Variants in TMEM132D observed in about 807,000 individuals in gnomAD.
TMEM132D encodes the protein transmembrane protein 132D, also known as mature OL transmembrane protein.
TMEM132D carries 21 observed loss-of-function variants against 62.3 expected under a neutral mutation model. That is an observed-to-expected ratio of 0.34 (90% CI 0.24 to 0.49). The LOEUF (loss-of-function observed/expected upper bound fraction) is 0.49. Ranked by LOEUF, TMEM132D falls within the 20% of genes least tolerant of loss-of-function variation. TMEM132D has a pLI of 0.99. For missense variants in TMEM132D, 1,346 were observed against 1,402.8 expected (o/e 0.96, Z 0.65); for synonymous variants, 621 against 575.6 (o/e 1.08, Z -1.13).
At chr12:129,215,551 CCTTT>C (rs2135570477) in intron 4 of TMEM132D, among the ~76,000 whole-genome samples, 1 of 152,278 alleles carries the variant, frequency 6.6e-6, no homozygotes, top group East Asian at 1.9e-4. Context: ...AGATGTCTTT[CCTTT>C]CTTCCTGCCC....
chr12:129,623,172 G>C (rs1157708832), intron 2 of TMEM132D, among the ~76,000 whole-genome samples: 1 of 152,154 alleles, frequency 6.6e-6, no homozygotes, highest in Non-Finnish European at 1.5e-5. Flanking sequence ...TCGGATTTGA[G>C]TTTTCTCTCA....
intron 1 of TMEM132D, among the ~76,000 whole-genome samples, chr12:129,899,254 C>CGGATGGAT (rs779555845): frequency 1.1e-4 from 14 of 131,616 alleles, no homozygotes; most frequent in African/African-American, 6.1e-5. Flanking sequence ...GATGGATGCA[C>CGGATGGAT]GGATGGATGG....
chr12:129,504,071 T>C (rs538934368), intron 3 of TMEM132D, among the ~76,000 whole-genome samples: 1 of 151,914 alleles, frequency 6.6e-6, no homozygotes, highest in East Asian at 1.9e-4. Flanking sequence ...ATCATCACCA[T>C]CCCCCTCATC....
chr12:129,147,040 T>C (rs1337634691), intron 5 of TMEM132D, among the ~76,000 whole-genome samples: 2 of 152,066 alleles, frequency 1.3e-5, no homozygotes, highest in South Asian at 2.1e-4. Context: ...ATTTCAAACC[T>C]ACTGAAGAGT....
intron 1 of TMEM132D, among the ~76,000 whole-genome samples, chr12:129,762,380 CA>C (rs1042934003): frequency 8.5e-5 from 13 of 152,054 alleles, no homozygotes; most frequent in African/African-American, 2.4e-4. Flanking sequence ...GATACTTTTC[CA>C]AAAAGATTTG....
chr12:129,546,022 G>A (rs866190492), intron 2 of TMEM132D, among the ~76,000 whole-genome samples: 13 of 152,142 alleles, frequency 8.5e-5, no homozygotes, highest in Admixed American at 4.6e-4. Flanking sequence ...CTGAGCTAGC[G>A]TGGGGTTCGA....
At chr12:129,452,835 T>A (rs1194084797) in intron 3 of TMEM132D, among the ~76,000 whole-genome samples, 1 of 152,186 alleles carries the variant, frequency 6.6e-6, no homozygotes, top group Non-Finnish European at 1.5e-5. Context: ...AAATCAGGTA[T>A]AACATATAGT....
At chr12:129,466,480 TG>T (rs1873910626) in intron 3 of TMEM132D, among the ~76,000 whole-genome samples, 1 of 152,050 alleles carries the variant, frequency 6.6e-6, no homozygotes, top group Admixed American at 6.5e-5. Flanking sequence ...CTACTGTGCC[TG>T]GCAACTTTTC....
At chr12:129,103,568 T>C (rs941506824) in intron 5 of TMEM132D, among the ~76,000 whole-genome samples, 1 of 152,214 alleles carries the variant, frequency 6.6e-6, no homozygotes, top group Admixed American at 6.5e-5. Flanking sequence ...GGCTGCTTTA[T>C]GCATCAGGTT....
At chr12:129,607,733 C>T (rs1339103649) in intron 2 of TMEM132D, among the ~76,000 whole-genome samples, 2 of 152,096 alleles carry the variant, frequency 1.3e-5, no homozygotes, top group Non-Finnish European at 2.9e-5. Flanking sequence ...AGACCAATTC[C>T]AAAATGAAGA....
intron 1 of TMEM132D, among the ~76,000 whole-genome samples, chr12:129,800,986 C>A (rs11060561): frequency 0.57 from 87,115 of 151,964 alleles, 27,123 homozygotes; most frequent in Non-Finnish European, 0.72. Flanking sequence ...TCACTCCCAC[C>A]CGAATACTGC....
intron 3 of TMEM132D, among the ~76,000 whole-genome samples, chr12:129,376,149 C>T (rs1358924120): frequency 6.6e-6 from 1 of 152,138 alleles, no homozygotes; most frequent in Non-Finnish European, 1.5e-5. Context: ...GGAAATACAA[C>T]AATCCCATTT....
At chr12:129,172,549 C>T (rs532350705) in intron 5 of TMEM132D, among the ~76,000 whole-genome samples, 1 of 152,312 alleles carries the variant, frequency 6.6e-6, no homozygotes, top group South Asian at 2.1e-4. Context: ...TTCATTTGAA[C>T]ACTTAGAGGC....
At chr12:129,787,912 A>G (rs542478320) in intron 1 of TMEM132D, among the ~76,000 whole-genome samples, 32 of 152,328 alleles carry the variant, frequency 2.1e-4, no homozygotes, top group South Asian at 1.5e-3. Flanking sequence ...TTGAAGGCCC[A>G]GCCAAAAAAC....
At chr12:129,852,715 G>C (rs1873586678) in intron 1 of TMEM132D, 1 of 152,130 alleles carries the variant, frequency 6.6e-6, no homozygotes, top group South Asian at 2.1e-4. Context: ...TTGGAAGCAG[G>C]ACATCGAGGG....
At chr12:129,318,348 A>T (rs1868559708) in intron 4 of TMEM132D, among the ~76,000 whole-genome samples, 1 of 152,084 alleles carries the variant, frequency 6.6e-6, no homozygotes, top group East Asian at 1.9e-4. Context: ...CCTTGATGTA[A>T]TACTCTTCCC....
chr12:129,687,522 C>A lies in TMEM132D; in HGVS notation c.968+12288G>T, dbSNP rs1045548919. Among the ~76,000 whole-genome samples the A allele has an allele frequency of 2.6e-4, 39 of 151,998 alleles. 1 individual carries two copies. The highest frequency in any genetic ancestry group is 2.9e-5 in the Non-Finnish European group (2 of 68,014). ...GCAGGAGCCACTGCCAACTGGGTTA[C>A]TGGAAGAGTTAGGTTGTTTCCTCTT... On this transcript the variant is annotated intron_variant, in intron 2 of 8. Coordinates refer to ENST00000422113, the MANE Select transcript of TMEM132D (RefSeq NM_133448.3).
intron 2 of TMEM132D, among the ~76,000 whole-genome samples, chr12:129,644,901 G>C (rs1879732645): frequency 6.8e-6 from 1 of 147,436 alleles, no homozygotes; most frequent in South Asian, 2.2e-4. Context: ...CAAGAGAATG[G>C]TCTGAACCCA....
At chr12:129,404,878 T>C (rs369203530) in intron 3 of TMEM132D, among the ~76,000 whole-genome samples, 24 of 152,052 alleles carry the variant, frequency 1.6e-4, no homozygotes, top group East Asian at 7.7e-4. Context: ...GGGACACAGA[T>C]CCAAACCCCA....
Sources: gnomAD v4.1 joint callset for allele counts (sites outside exome capture counted in the v4.1 genomes callset) on GRCh38, gnomAD v4.1.1 for gene constraint, MANE v1.5 for transcripts, NCBI Gene and HGNC (gene_info 2026-07-23, HGNC 2026-07-21) for gene names.